The following ZBTB20 variants were observed in gnomAD, a reference collection of about 807,000 sequenced individuals.
The protein encoded by ZBTB20 is zinc finger and BTB domain containing 20.
ZBTB20 carries 9 observed loss-of-function variants against 56.9 expected under a neutral mutation model. The ratio of observed to expected loss-of-function variants is 0.16; its 90% confidence interval spans 0.10 to 0.28. The LOEUF is 0.28. Among genes scored for constraint, ZBTB20 ranks in the 10% least tolerant of loss-of-function variants. The probability of loss-of-function intolerance (pLI) is 1.00; values close to 1 mark genes in which losing one functional copy is unlikely to be tolerated. For synonymous variants in ZBTB20, 417 were observed against 420.7 expected (o/e 0.99, Z 0.11); for missense variants, 655 against 1,003.0 (o/e 0.65, Z 4.69).
chr3:114,422,803 T>A (rs576126583), intron 7 of ZBTB20, among the ~76,000 whole-genome samples: 1 of 152,130 alleles, frequency 6.6e-6, no homozygotes, highest in Non-Finnish European at 1.5e-5. Context: ...GAATGACACC[T>A]GTGTGTTCTT....
At chr3:114,384,582 T>G (rs1228040088) in intron 8 of ZBTB20, among the ~76,000 whole-genome samples, 1 of 152,188 alleles carries the variant, frequency 6.6e-6, no homozygotes, top group Non-Finnish European at 1.5e-5. Flanking sequence ...AACATTTTCA[T>G]CTCCTCACTG....
At chr3:114,348,728 A>G (rs140162929) in intron 11 of ZBTB20, among the ~76,000 whole-genome samples, 31 of 152,318 alleles carry the variant, frequency 2.0e-4, no homozygotes, top group Admixed American at 2.0e-3. Flanking sequence ...CCTTGCCTCT[A>G]TCTCTGTTGC....
chr3:114,942,290 T>C (rs2107857618), intron 3 of ZBTB20, among the ~76,000 whole-genome samples: 1 of 146,044 alleles, frequency 6.8e-6, no homozygotes, highest in East Asian at 1.9e-4. Flanking sequence ...TTTTTCAATA[T>C]CAGAACAGTA....
chr3:114,971,900 G>A (rs2077898932), intron 3 of ZBTB20, among the ~76,000 whole-genome samples: 1 of 152,162 alleles, frequency 6.6e-6, no homozygotes, highest in Non-Finnish European at 1.5e-5. Context: ...TGCCAGTACA[G>A]ACTGGATGCC....
chr3:114,595,934 G>A (rs1228214406), intron 6 of ZBTB20, among the ~76,000 whole-genome samples: 1 of 152,204 alleles, frequency 6.6e-6, no homozygotes. Context: ...TCATGGGAAA[G>A]TTGACATAAT....
intron 2 of ZBTB20, among the ~76,000 whole-genome samples, chr3:114,989,374 C>G (rs2078698697): frequency 6.6e-6 from 1 of 152,088 alleles, no homozygotes; most frequent in Non-Finnish European, 1.5e-5. Context: ...TTCCCTATTT[C>G]TTGTTTTTGT....
At chr3:114,519,052 G>T (rs531154137) in intron 6 of ZBTB20, 1 of 152,314 alleles carries the variant, frequency 6.6e-6, no homozygotes, top group African/African-American at 2.4e-5. Context: ...ATGAAGTTCA[G>T]TCCTAAAGGA....
chr3:115,134,656 T>C (rs936886579), intron 1 of ZBTB20, among the ~76,000 whole-genome samples: 2 of 152,238 alleles, frequency 1.3e-5, no homozygotes, highest in Non-Finnish European at 2.9e-5. Context: ...GTTCTTTGAA[T>C]TTCCTTAAGT....
chr3:115,006,165 T>A (rs1304345885), intron 2 of ZBTB20, among the ~76,000 whole-genome samples: 1 of 151,742 alleles, frequency 6.6e-6, no homozygotes, highest in Non-Finnish European at 1.5e-5. Flanking sequence ...CTTAAAATGG[T>A]CACCCTCTGA....
At chr3:115,128,187 AAT>A (rs376140537) in intron 1 of ZBTB20, among the ~76,000 whole-genome samples, 4 of 152,224 alleles carry the variant, frequency 2.6e-5, no homozygotes, top group Admixed American at 1.3e-4. Context: ...TATATTTAAA[AAT>A]ATGTCTATCT....
chr3:114,437,177 T>C (rs1232658946), intron 7 of ZBTB20, among the ~76,000 whole-genome samples: 4 of 152,084 alleles, frequency 2.6e-5, no homozygotes, highest in Non-Finnish European at 5.9e-5. Flanking sequence ...ATGAAGTGGG[T>C]GACAAGGACT....
intron 5 of ZBTB20, among the ~76,000 whole-genome samples, chr3:114,774,238 A>C (rs1343809539): frequency 6.6e-6 from 1 of 152,234 alleles, no homozygotes; most frequent in Non-Finnish European, 1.5e-5. Context: ...AAAGAAAATA[A>C]GGGGAACAAA....
intron 7 of ZBTB20, among the ~76,000 whole-genome samples, chr3:114,446,070 A>C (rs1156230197): frequency 6.6e-6 from 1 of 152,152 alleles, no homozygotes; most frequent in Non-Finnish European, 1.5e-5. Flanking sequence ...AGAAACAAAT[A>C]AATGTATAAT....
intron 5 of ZBTB20, among the ~76,000 whole-genome samples, chr3:114,788,964 G>A (rs2070751652): frequency 6.6e-6 from 1 of 152,094 alleles, no homozygotes; most frequent in Admixed American, 6.6e-5. Context: ...CATGAGAACA[G>A]CACAGGAAAA....
chr3:114,778,119 T>G (rs1379048513), intron 5 of ZBTB20, among the ~76,000 whole-genome samples: 2 of 136,158 alleles, frequency 1.5e-5, no homozygotes, highest in African/African-American at 5.2e-5. Flanking sequence ...GGGGGAGGGA[T>G]AGCATTAGGA....
intron 2 of ZBTB20, among the ~76,000 whole-genome samples, chr3:115,021,047 T>C (rs1415166524): frequency 6.6e-6 from 1 of 151,014 alleles, no homozygotes; most frequent in Non-Finnish European, 1.5e-5. Flanking sequence ...GTAGGTTTTT[T>C]ATCCTTTAGT....
intron 4 of ZBTB20, among the ~76,000 whole-genome samples, chr3:114,879,724 T>G (rs1313901200): frequency 1.3e-5 from 2 of 152,200 alleles, no homozygotes; most frequent in African/African-American, 4.8e-5. Flanking sequence ...GAATTATCTG[T>G]TGGTATCCGA....
At chr3:114,998,466 A>G (rs1335652174) in intron 2 of ZBTB20, among the ~76,000 whole-genome samples, 1 of 151,800 alleles carries the variant, frequency 6.6e-6, no homozygotes, top group Admixed American at 6.6e-5. Context: ...ATAAAGTCAC[A>G]TGGCAGACTG....
At chr3:114,694,181 C>T (rs554509639) in intron 5 of ZBTB20, among the ~76,000 whole-genome samples, 20 of 152,008 alleles carry the variant, frequency 1.3e-4, no homozygotes, top group African/African-American at 3.9e-4. Context: ...ACAAATGGAA[C>T]GAGTGAACTG....
Sources: allele counts gnomAD v4.1 joint callset (sites outside exome capture counted in the v4.1 genomes callset), GRCh38; gene constraint gnomAD v4.1.1; transcripts MANE v1.5; gene names NCBI Gene and HGNC (gene_info 2026-07-23, HGNC 2026-07-21).